CACNA1E: variants seen among roughly 807,000 people sequenced by gnomAD.
CACNA1E encodes the protein calcium voltage-gated channel subunit alpha1 E.
CACNA1E carries 40 observed loss-of-function variants against 259.2 expected under a neutral mutation model. That is an observed-to-expected ratio of 0.15 (90% CI 0.12 to 0.20). The LOEUF is 0.20. CACNA1E is among the 10% of genes least tolerant of loss of function. The pLI is 1.00. For missense variants in CACNA1E, 1,874 were observed against 3,040.1 expected (o/e 0.62, Z 9.02); for synonymous variants, 1,104 against 1,138.5 (o/e 0.97, Z 0.61).
chr1:181,328,488 A>G (rs1203851945), intron 1 of CACNA1E, among the ~76,000 whole-genome samples: 1 of 152,108 alleles, frequency 6.6e-6, no homozygotes, highest in Non-Finnish European at 1.5e-5. Context: ...CACATTTCCT[A>G]CTGTTCCATT....
At chr1:181,429,936 C>T (rs547089466) in intron 2 of CACNA1E, among the ~76,000 whole-genome samples, 5 of 152,318 alleles carry the variant, frequency 3.3e-5, no homozygotes, top group African/African-American at 1.2e-4. Context: ...GGCAACTGGG[C>T]GGGCAGGTAC....
rs77123326 is a variant in CACNA1E at position 181,785,428 on chromosome 1, A to C, written c.5679+10A>C. On this transcript the variant is annotated intron_variant, in intron 42 of 47. Transcript: ENST00000367573. ...GCAGCTGGAGGAACAGGTGAAAGTC[A>C]ATGCCAGCATGCTAAGTGGGTGGGC... 3.5e-4 allele frequency: 548 copies of C among 1,573,284 alleles called. 3 individuals are homozygous for C. In the African/African-American group the frequency reaches 6.6e-3, roughly 19 times the overall value.
chr1:181,642,804 G>A (rs1051243702), intron 6 of CACNA1E, among the ~76,000 whole-genome samples: 8 of 152,192 alleles, frequency 5.3e-5, no homozygotes, highest in Admixed American at 5.2e-4. Flanking sequence ...GCCCAGCACA[G>A]GGTCAGCTGC....
intron 7 of CACNA1E, among the ~76,000 whole-genome samples, chr1:181,667,869 A>C (rs929525529): frequency 6.6e-6 from 1 of 151,794 alleles, no homozygotes; most frequent in African/African-American, 2.4e-5. Context: ...TTTTTTTTGA[A>C]ATAATTATAG....
intron 6 of CACNA1E, among the ~76,000 whole-genome samples, chr1:181,605,224 A>T (rs1198159097): frequency 2.0e-5 from 3 of 151,402 alleles, no homozygotes; most frequent in Non-Finnish European, 4.4e-5. Flanking sequence ...AAGATGGGGG[A>T]GAAAGGGGCA....
At chr1:181,594,428 C>G (rs1652958113) in intron 6 of CACNA1E, among the ~76,000 whole-genome samples, 1 of 152,066 alleles carries the variant, frequency 6.6e-6, no homozygotes, top group South Asian at 2.1e-4. Context: ...GTATTTGGGC[C>G]AAGTGTTTCA....
At chr1:181,749,540 C>T (rs1482025165) in intron 25 of CACNA1E, among the ~76,000 whole-genome samples, 1 of 152,184 alleles carries the variant, frequency 6.6e-6, no homozygotes, top group African/African-American at 2.4e-5. Context: ...CCAGCTCTGC[C>T]AGCTGATGTC....
At chr1:181,784,458 T>C (rs945030741) in intron 40 of CACNA1E, among the ~76,000 whole-genome samples, 2 of 152,204 alleles carry the variant, frequency 1.3e-5, no homozygotes, top group African/African-American at 4.8e-5. Flanking sequence ...AGGATATCCC[T>C]GAGTCACTGA....
chr1:181,700,281 C>G (rs60084505), intron 7 of CACNA1E, among the ~76,000 whole-genome samples: 17,536 of 152,224 alleles, frequency 0.12, 1,074 homozygotes, highest in Middle Eastern at 0.16. Flanking sequence ...TGGACCCACA[C>G]AGCTTCAGGA....
chr1:181,534,535 G>A (rs1489747037), intron 3 of CACNA1E, among the ~76,000 whole-genome samples: 1 of 152,030 alleles, frequency 6.6e-6, no homozygotes, highest in South Asian at 2.1e-4. Context: ...TTGAAATAAA[G>A]ACTATGTATT....
At position 181,807,698 on chromosome 1, in the gene CACNA1E, G is replaced by C. The variant is rs1459277969; in HGVS notation, c.*8864G>C. ...GCCAAGATATTTTCTTGAGCCCTAA[G>C]ATATATGACTTTATTAGCTAGGATT... On this transcript the variant is annotated 3_prime_UTR_variant, in exon 48 of 48. Coordinates refer to ENST00000367573, the MANE Select transcript of CACNA1E (RefSeq NM_001205293.3). The C allele has an allele frequency of 6.6e-6, 1 of 151,950 alleles. No individual in the cohort carries two copies. Among genetic ancestry groups the C allele is most frequent in the East Asian group, 1.9e-4 (1 of 5,188 alleles). 9.4% of individuals were successfully genotyped at this position (151,950 alleles called of 1,614,324 possible). A position where few individuals can be genotyped will look rare whatever the true frequency, so the allele number is the denominator to read the frequency against.
intron 21 of CACNA1E, among the ~76,000 whole-genome samples, chr1:181,735,540 C>T (rs947557395): frequency 2.0e-5 from 3 of 152,182 alleles, no homozygotes; most frequent in Non-Finnish European, 4.4e-5. Context: ...TAACCTACAC[C>T]GTGTCTTGAG....
At chr1:181,780,808 A>C (rs1454706222) in intron 38 of CACNA1E, among the ~76,000 whole-genome samples, 3 of 152,158 alleles carry the variant, frequency 2.0e-5, no homozygotes, top group Non-Finnish European at 2.9e-5. Flanking sequence ...CAACTCTTTG[A>C]GCAGCAAGCA....
At chr1:181,600,732 G>C (rs1485854439) in intron 6 of CACNA1E, among the ~76,000 whole-genome samples, 2 of 152,190 alleles carry the variant, frequency 1.3e-5, no homozygotes, top group African/African-American at 4.8e-5. Flanking sequence ...TGGCCTAATT[G>C]ATGTCTATGA....
intron 3 of CACNA1E, among the ~76,000 whole-genome samples, chr1:181,541,815 A>C (rs1161973747): frequency 1.3e-5 from 2 of 152,222 alleles, no homozygotes; most frequent in African/African-American, 2.4e-5. Flanking sequence ...GCCTGGGTTC[A>C]AATCTCAGCT....
At chr1:181,715,467 G>T (rs959798575) in intron 9 of CACNA1E, 76 bp downstream of exon 9, 3 of 816,230 alleles carry the variant, frequency 3.7e-6, no homozygotes, top group Non-Finnish European at 6.2e-6. Flanking sequence ...TTATTCAAAA[G>T]GAGAGAAAGA....
chr1:181,384,318 G>A (rs759419903), intron 1 of CACNA1E, among the ~76,000 whole-genome samples: 12 of 152,190 alleles, frequency 7.9e-5, no homozygotes, highest in Non-Finnish European at 1.8e-4. Context: ...GGATACCAAC[G>A]TGGCTGGACA....
intron 6 of CACNA1E, among the ~76,000 whole-genome samples, chr1:181,594,011 T>G (rs951256551): frequency 3.9e-5 from 6 of 152,200 alleles, no homozygotes; most frequent in Non-Finnish European, 7.3e-5. Flanking sequence ...GAAACTGGAT[T>G]TAAACATTGA....
At chr1:181,370,818 A>G (rs1233134959) in intron 1 of CACNA1E, among the ~76,000 whole-genome samples, 5 of 152,094 alleles carry the variant, frequency 3.3e-5, no homozygotes, top group African/African-American at 1.2e-4. Context: ...GTGTCAAATA[A>G]TTCTGCTCTA....
Sources: allele counts gnomAD v4.1 joint callset (sites outside exome capture counted in the v4.1 genomes callset), GRCh38; gene constraint gnomAD v4.1.1; transcripts MANE v1.5; gene names NCBI Gene and HGNC (gene_info 2026-07-23, HGNC 2026-07-21).